NOP58: variants seen among roughly 807,000 people sequenced by gnomAD.
NOP58 encodes the protein NOP58 ribonucleoprotein, also known as nucleolar protein 58.
In NOP58, 44 loss-of-function variants were observed where a neutral mutation model predicts 71.2. That is an observed-to-expected ratio of 0.62 (90% CI 0.49 to 0.79). The LOEUF is 0.79. Among genes scored for constraint, NOP58 ranks in the 30% least tolerant of loss-of-function variants. The probability of loss-of-function intolerance (pLI) is 0.00; values close to 1 mark genes in which losing one functional copy is unlikely to be tolerated. For missense variants in NOP58, 538 were observed against 620.2 expected (o/e 0.87, Z 1.41); for synonymous variants, 228 against 200.3 (o/e 1.14, Z -1.17).
chr2:202,290,018 G>C (rs945471803), intron 6 of NOP58, among the ~76,000 whole-genome samples: 1 of 151,922 alleles, frequency 6.6e-6, no homozygotes, highest in African/African-American at 2.4e-5. Flanking sequence ...GCAGTAGCAC[G>C]ATCTCGGCTC....
chr2:202,290,896 C>G (rs779157191), intron 7 of NOP58: 7 of 428,110 alleles, frequency 1.6e-5, no homozygotes, highest in South Asian at 9.9e-5. Flanking sequence ...ATTTTGTCCT[C>G]TTTTTACTCT....
At position 202,303,374 on chromosome 2, in the gene NOP58, G is replaced by C. The variant is rs1253721341; in HGVS notation, c.1540-12G>C. 1 of 1,611,600 alleles carries C rather than the reference G, an allele frequency of 6.2e-7. No homozygotes were observed. The highest frequency in any genetic ancestry group is 8.5e-7 in the Non-Finnish European group (1 of 1,178,852). On this transcript the variant is annotated splice_polypyrimidine_tract_variant and intron_variant, in intron 14 of 14. Transcript: ENST00000264279. The stretch of plus-strand genomic sequence containing the variant: ...TCAGCTCTTTCAAAGCATTCTTGTT[G>C]GCTATTTTCAGAGTCCAGAGAAAAA...
At chr2:202,269,515 TTA>T (rs763968233) in intron 1 of NOP58, among the ~76,000 whole-genome samples, 3 of 151,836 alleles carry the variant, frequency 2.0e-5, no homozygotes, top group South Asian at 4.2e-4. Flanking sequence ...ATTAACAGGG[TTA>T]TATATATATA....
In NOP58 at chr2:202,275,104, T is replaced by G. The variant is rs1397789895; in HGVS notation, c.46-9T>G. ...ATTTAAATAAAACTATTTAAACATT[T>G]TATTACAGGTTCTAAATGAGAAGAA... On this transcript the variant is annotated splice_polypyrimidine_tract_variant and intron_variant, in intron 1 of 14. Transcript: ENST00000264279. 3.6e-6 allele frequency: 5 copies of G among 1,394,886 alleles called. No homozygotes were observed. In the Admixed American group the frequency reaches 5.9e-5, roughly 17 times the overall value. The allele number at this position is 1,394,886 out of a possible 1,614,324, so 86.4% of individuals were successfully genotyped here.
chr2:202,289,396 C>T (rs866356248), intron 6 of NOP58, among the ~76,000 whole-genome samples: 4 of 152,188 alleles, frequency 2.6e-5, no homozygotes, highest in African/African-American at 9.7e-5. Flanking sequence ...AAACTCCACA[C>T]CTGACCACAC....
At chr2:202,282,512 T>C in intron 4 of NOP58, 40 bp downstream of exon 4, 1 of 1,576,624 alleles carries the variant, frequency 6.3e-7, no homozygotes. Flanking sequence ...GCTAGTCAGA[T>C]CTCACAGCAT....
intron 2 of NOP58, among the ~76,000 whole-genome samples, chr2:202,277,064 G>T (rs1688606989): frequency 4.6e-5 from 7 of 152,162 alleles, no homozygotes; most frequent in Admixed American, 4.6e-4. Flanking sequence ...AAGGCGGGCG[G>T]ATGATGAGGT....
At chr2:202,283,977 T>C (rs1688749986) in intron 4 of NOP58, among the ~76,000 whole-genome samples, 1 of 152,124 alleles carries the variant, frequency 6.6e-6, no homozygotes, top group Non-Finnish European at 1.5e-5. Context: ...TAGTGCCACT[T>C]TAATATTTAG....
At chr2:202,300,779 T>C (rs1574390802) in intron 13 of NOP58, among the ~76,000 whole-genome samples, 1 of 152,226 alleles carries the variant, frequency 6.6e-6, no homozygotes, top group African/African-American at 2.4e-5. Context: ...GAATACATAC[T>C]GGTAGCCTGC....
rs780881220 is a variant in NOP58 at position 202,277,995 on chromosome 2, A to G, written c.168A>G (p.Ala56=). 6.5e-7 allele frequency: 1 copy of G among 1,549,112 alleles called. No homozygotes were observed. The highest frequency in any genetic ancestry group is 1.2e-5 in the South Asian group (1 of 86,460). The change falls in exon 3 of 15, where the codon GCA becomes GCG. Residue 56 remains alanine, a synonymous_variant. Coordinates refer to ENST00000264279, the MANE Select transcript of NOP58 (RefSeq NM_015934.5). Reference sequence around the variant, plus strand: ...AGAAATTTCAGGATACAGCAGAAGCATTAGCAGGTAAAGTAAAAAATTAGA... The same window carrying G: ...AGAAATTTCAGGATACAGCAGAAGCGTTAGCAGGTAAAGTAAAAAATTAGA... The part of the protein sequence containing the change: ...HFEKFQDTAE[A]LAAFTALMEG...
intron 1 of NOP58, among the ~76,000 whole-genome samples, 189 bp from the exon 2 acceptor site, chr2:202,274,924 G>A (rs1688566297): frequency 6.6e-6 from 1 of 152,150 alleles, no homozygotes; most frequent in African/African-American, 2.4e-5. Flanking sequence ...CCATTTAGCT[G>A]TTAAATGGGC....
intron 6 of NOP58, among the ~76,000 whole-genome samples, chr2:202,289,862 A>G (rs1305700111): frequency 6.6e-6 from 1 of 152,226 alleles, no homozygotes; most frequent in Non-Finnish European, 1.5e-5. Flanking sequence ...TGCTCTGGCA[A>G]TAGATCCTGG....
intron 12 of NOP58, 192 bp from the exon 13 acceptor site, chr2:202,300,042 C>A: frequency 2.0e-6 from 1 of 496,240 alleles, no homozygotes. Flanking sequence ...TGTGATTGAC[C>A]TACTTGAAAA....
intron 4 of NOP58, 65 bp downstream of exon 4, chr2:202,282,537 C>T (rs1279734873): frequency 8.1e-6 from 12 of 1,478,794 alleles, no homozygotes; most frequent in Non-Finnish European, 1.1e-5. Flanking sequence ...ACTACAAAGC[C>T]TAGCCTTTGC....
intron 3 of NOP58, chr2:202,278,459 CA>C: frequency 6.0e-6 from 2 of 331,372 alleles, no homozygotes; most frequent in South Asian, 2.4e-5. Flanking sequence ...ATTTTTAGTT[CA>C]AAAAAACATA....
chr2:202,303,176 G>A (rs1689122258), intron 14 of NOP58, 119 bp downstream of exon 14: 2 of 1,328,864 alleles, frequency 1.5e-6, no homozygotes, highest in South Asian at 1.5e-5. Flanking sequence ...TGATGGAGAG[G>A]TAAAAGTGAA....
intron 5 of NOP58, among the ~76,000 whole-genome samples, chr2:202,286,720 A>C (rs1175533971): frequency 6.6e-6 from 1 of 152,158 alleles, no homozygotes; most frequent in East Asian, 1.9e-4. Context: ...TGTGTATAGC[A>C]GTGGTTCCCT....
chr2:202,280,542 G>A (rs1235839833), intron 3 of NOP58, among the ~76,000 whole-genome samples: 1 of 152,020 alleles, frequency 6.6e-6, no homozygotes, highest in Non-Finnish European at 1.5e-5. Context: ...CTGTTGGCCA[G>A]GCTGCTCTGG....
At chr2:202,295,608 T>C in intron 9 of NOP58, 66 bp from the exon 10 acceptor site, 1 of 1,159,006 alleles carries the variant, frequency 8.6e-7, no homozygotes, top group Non-Finnish European at 1.2e-6. Context: ...TATAGGTCTT[T>C]TGTTTCAGTA....
Sources: allele counts gnomAD v4.1 joint callset (sites outside exome capture counted in the v4.1 genomes callset), GRCh38; gene constraint gnomAD v4.1.1; transcripts MANE v1.5; gene names NCBI Gene and HGNC (gene_info 2026-07-23, HGNC 2026-07-21).